The following CTNNA3 variants were observed in gnomAD, a reference collection of about 807,000 sequenced individuals.
CTNNA3 encodes catenin alpha-3.
CTNNA3 carries 76 observed loss-of-function variants against 95.7 expected under a neutral mutation model. The observed-to-expected ratio is 0.79, with a 90% confidence interval of 0.66 to 0.96. The LOEUF (loss-of-function observed/expected upper bound fraction) is 0.96. Ranked by LOEUF, CTNNA3 falls within the 40% of genes least tolerant of loss-of-function variation. The pLI, the probability that CTNNA3 is intolerant of heterozygous loss-of-function variation, is 0.00. For synonymous variants in CTNNA3, 431 were observed against 374.4 expected, an observed-to-expected ratio of 1.15 and a Z score of -1.74; for missense variants, 1,191 against 1,089.8, an observed-to-expected ratio of 1.09 and a Z score of -1.31.
At chr10:66,665,105 C>T (rs753027077) in intron 9 of CTNNA3, among the ~76,000 whole-genome samples, 4 of 152,152 alleles carry the variant, frequency 2.6e-5, no homozygotes, top group Non-Finnish European at 4.4e-5. Flanking sequence ...CCCAAGGTCA[C>T]ACTGCCAACA....
chr10:66,293,666 T>C (rs969450177), intron 12 of CTNNA3, among the ~76,000 whole-genome samples: 8 of 133,400 alleles, frequency 6.0e-5, no homozygotes, highest in Non-Finnish European at 1.2e-4. Flanking sequence ...CTTTTTTCTT[T>C]CTTTTTTTTT....
intron 7 of CTNNA3, among the ~76,000 whole-genome samples, chr10:66,912,344 A>G (rs1249759947): frequency 6.6e-6 from 1 of 152,210 alleles, no homozygotes; most frequent in Non-Finnish European, 1.5e-5. Context: ...GATAATAATT[A>G]AAAACAAAAT....
At position 66,802,290 on chromosome 10, in the gene CTNNA3, T is replaced by C. The variant is rs183828456; in HGVS notation, c.1048-26766A>G. On this transcript the variant is annotated intron_variant, in intron 7 of 17. Coordinates refer to ENST00000433211, the MANE Select transcript of CTNNA3 (RefSeq NM_013266.4). ...ATTGAGAAATATTATTCACAATGCA[T>C]ATATCTAACAATGGACTTGTAAGCA... Among the ~76,000 whole-genome samples, 64 of 151,992 alleles carry C rather than the reference T, an allele frequency of 4.2e-4. 1 individual carries two copies. Among genetic ancestry groups the C allele is most frequent in the African/African-American group, 1.4e-3 (59 of 41,530 alleles).
intron 16 of CTNNA3, among the ~76,000 whole-genome samples, chr10:65,969,595 G>C (rs1424600957): frequency 6.6e-6 from 1 of 152,058 alleles, no homozygotes; most frequent in Non-Finnish European, 1.5e-5. Flanking sequence ...AGAGATTCTG[G>C]AATTAAAAAA....
At chr10:67,201,070 T>C (rs941907293) in intron 6 of CTNNA3, among the ~76,000 whole-genome samples, 4 of 152,164 alleles carry the variant, frequency 2.6e-5, no homozygotes, top group Admixed American at 6.6e-5. Context: ...CTACTCTGCA[T>C]TGGGCCTCCC....
chr10:66,370,943 G>A (rs937647930), intron 12 of CTNNA3, among the ~76,000 whole-genome samples: 6 of 151,928 alleles, frequency 3.9e-5, no homozygotes, highest in Non-Finnish European at 8.8e-5. Flanking sequence ...GGCTGATCTC[G>A]AACACTTGGG....
chr10:67,041,480 T>A (rs1854392851), intron 7 of CTNNA3, among the ~76,000 whole-genome samples: 1 of 152,180 alleles, frequency 6.6e-6, no homozygotes, highest in African/African-American at 2.4e-5. Context: ...TCAATTCTTA[T>A]ATTCCTAAAG....
At chr10:66,409,406 A>ACCC (rs1231717712) in intron 11 of CTNNA3, among the ~76,000 whole-genome samples, 34 of 152,166 alleles carry the variant, frequency 2.2e-4, no homozygotes, top group African/African-American at 7.7e-4. Flanking sequence ...TGTTCCCAAA[A>ACCC]AAAAAAAATG....
chr10:67,114,012 G>A (rs1041249909), intron 7 of CTNNA3, among the ~76,000 whole-genome samples: 2 of 151,718 alleles, frequency 1.3e-5, no homozygotes, highest in East Asian at 3.9e-4. Context: ...GAGCCCAGGA[G>A]TTTGAGGCTT....
At chr10:66,752,431 A>G (rs1432962495) in intron 9 of CTNNA3, among the ~76,000 whole-genome samples, 2 of 152,168 alleles carry the variant, frequency 1.3e-5, no homozygotes, top group African/African-American at 2.4e-5. Flanking sequence ...CACACCACTA[A>G]TTAACTAATA....
chr10:67,149,446 G>A (rs940680146), intron 7 of CTNNA3, among the ~76,000 whole-genome samples: 3 of 151,984 alleles, frequency 2.0e-5, no homozygotes, highest in African/African-American at 7.3e-5. Context: ...TTAGCCCAGC[G>A]TGGTGACAGG....
intron 9 of CTNNA3, among the ~76,000 whole-genome samples, chr10:66,759,813 T>G (rs895335911): frequency 3.9e-5 from 6 of 152,184 alleles, no homozygotes; most frequent in African/African-American, 1.4e-4. Context: ...ATAAAATATC[T>G]CATTAATGGC....
chr10:66,709,820 C>T (rs973754068), intron 9 of CTNNA3, among the ~76,000 whole-genome samples: 47 of 152,178 alleles, frequency 3.1e-4, no homozygotes, highest in African/African-American at 1.1e-3. Context: ...ACAATACCAA[C>T]AAACATGGCT....
chr10:66,613,180 A>G (rs1208267773), intron 10 of CTNNA3, among the ~76,000 whole-genome samples: 1 of 152,004 alleles, frequency 6.6e-6, no homozygotes, highest in Non-Finnish European at 1.5e-5. Flanking sequence ...TATGTACTTT[A>G]AAGTCATTAT....
chr10:67,318,863 CA>C (rs371955994), intron 5 of CTNNA3, among the ~76,000 whole-genome samples: 8 of 152,298 alleles, frequency 5.3e-5, no homozygotes, highest in African/African-American at 1.9e-4. Context: ...TAGCTGTTCA[CA>C]AAAAACTTAA....
At position 66,606,705 on chromosome 10, in the gene CTNNA3, C is replaced by T. The variant is rs148235245; in HGVS notation, c.1374+14987G>A. Among the ~76,000 whole-genome samples, 1,140 of 152,152 alleles carry T rather than the reference C, an allele frequency of 7.5e-3. 11 individuals are homozygous for T. Among genetic ancestry groups the T allele is most frequent in the African/African-American group, 0.026 (1,100 of 41,518 alleles). On this transcript the variant is annotated intron_variant, in intron 10 of 17. Transcript: ENST00000433211. ...TAAATAATGAAATTAAGGCAGAAAT[C>T]AACAAGTTCTTTGAAACTAATGAGA...
At chr10:67,751,083 G>A in intron 1 of CTNNA3, 1 of 1,439,890 alleles carries the variant, frequency 6.9e-7, no homozygotes, top group Non-Finnish European at 9.8e-7. Flanking sequence ...TGTGACACCA[G>A]CACGCATTGT....
At chr10:66,599,138 G>T (rs749996182) in intron 10 of CTNNA3, among the ~76,000 whole-genome samples, 11 of 151,956 alleles carry the variant, frequency 7.2e-5, no homozygotes, top group Non-Finnish European at 7.4e-5. Context: ...ACAAAGAACT[G>T]CAACAAATGA....
At chr10:66,834,173 C>T (rs935752630) in intron 7 of CTNNA3, among the ~76,000 whole-genome samples, 3 of 152,148 alleles carry the variant, frequency 2.0e-5, no homozygotes, top group African/African-American at 7.2e-5. Context: ...TAATAGCCAG[C>T]TTTTGTACCT....
Sources: allele counts gnomAD v4.1 joint callset (sites outside exome capture counted in the v4.1 genomes callset), GRCh38; gene constraint gnomAD v4.1.1; transcripts MANE v1.5; gene names NCBI Gene and HGNC (gene_info 2026-07-23, HGNC 2026-07-21).